The following NHERF4 variants were observed in gnomAD, a reference collection of about 807,000 sequenced individuals.
The protein encoded by NHERF4 is Na(+)/H(+) exchange regulatory cofactor NHE-RF4.
At chr11:119,187,663 G>C in the NHERF4 span, 2 of 1,538,522 alleles carry the variant, frequency 1.3e-6, no homozygotes, top group Non-Finnish European at 1.7e-6. Context: ...AATGGGGTCA[G>C]TGTGGAGAAG....
the NHERF4 span, chr11:119,189,257 G>A: frequency 1.3e-6 from 2 of 1,560,468 alleles, no homozygotes; most frequent in African/African-American, 1.4e-5. This position sits in a 1 kb window ranked among gnomAD's most constrained non-coding sequence, Gnocchi z 5.8. Context: ...GGGCAGGGAG[G>A]AGTGAGAAAG....
At chr11:119,186,701 G>T in the NHERF4 span, 2 of 1,587,250 alleles carry the variant, frequency 1.3e-6, no homozygotes, top group South Asian at 1.1e-5. The surrounding 1 kb of genome is among the most constrained non-coding windows in gnomAD (Gnocchi z 4.4). Flanking sequence ...GTAAGGCTGT[G>T]GTCCAGGAGA....
At chr11:119,187,859 T>G in the NHERF4 span, 1 of 1,470,384 alleles carries the variant, frequency 6.8e-7, no homozygotes, top group Non-Finnish European at 9.0e-7. Context: ...ACTTAGTGCC[T>G]GGGAGGAGGG....
chr11:119,189,975 G>A, the NHERF4 span: 3 of 359,332 alleles, frequency 8.3e-6, no homozygotes, highest in Admixed American at 8.5e-5. This position sits in a 1 kb window ranked among gnomAD's most constrained non-coding sequence, Gnocchi z 5.8. Context: ...TTGTGTTGGT[G>A]GGGGTAAGGG....
the NHERF4 span, chr11:119,189,455 C>T: frequency 3.7e-6 from 6 of 1,614,120 alleles, no homozygotes; most frequent in Admixed American, 1.0e-4. The surrounding 1 kb of genome is among the most constrained non-coding windows in gnomAD (Gnocchi z 5.8). Context: ...CCTCCTCTCT[C>T]TGTATAGGAC....
chr11:119,188,947 C>G, the NHERF4 span: 8 of 1,612,626 alleles, frequency 5.0e-6, no homozygotes, highest in East Asian at 1.8e-4. Context: ...CTCCCAGAGC[C>G]TAAAGCCAGC....
chr11:119,186,261 C>T, the NHERF4 span: 1 of 1,613,230 alleles, frequency 6.2e-7, no homozygotes. This position sits in a 1 kb window ranked among gnomAD's most constrained non-coding sequence, Gnocchi z 4.4. Flanking sequence ...CACTCGGTCT[C>T]CCTCTGATAA....
the NHERF4 span, chr11:119,185,505 C>A: frequency 3.1e-6 from 5 of 1,613,968 alleles, no homozygotes; most frequent in Non-Finnish European, 4.2e-6. Context: ...ATGGAGAAAG[C>A]CGCAGGTAGG....
chr11:119,190,061 C>T, the NHERF4 span: 1 of 502,888 alleles, frequency 2.0e-6, no homozygotes, highest in Non-Finnish European at 3.5e-6. This position sits in a 1 kb window ranked among gnomAD's most constrained non-coding sequence, Gnocchi z 4.2. Flanking sequence ...GAGGTTGAGA[C>T]CTGGTCAAAT....
chr11:119,186,831 G>C, the NHERF4 span: 2 of 888,216 alleles, frequency 2.3e-6, no homozygotes, highest in Non-Finnish European at 3.3e-6. The surrounding 1 kb of genome is among the most constrained non-coding windows in gnomAD (Gnocchi z 4.4). Context: ...CAGAGGGGTA[G>C]GGAAAGCATC....
chr11:119,187,803 C>T, the NHERF4 span: 3 of 1,457,766 alleles, frequency 2.1e-6, no homozygotes, highest in Admixed American at 5.6e-5. Flanking sequence ...ATCTGGTCTC[C>T]TACCTTTATC....
the NHERF4 span, chr11:119,188,482 G>A: frequency 6.2e-7 from 1 of 1,610,842 alleles, no homozygotes. Flanking sequence ...CAGTGTCCAG[G>A]ATCCAGGGGC....
At chr11:119,188,012 G>A in the NHERF4 span, 1 of 1,565,458 alleles carries the variant, frequency 6.4e-7, no homozygotes, top group Non-Finnish European at 8.7e-7. Context: ...TCGCCAGCTG[G>A]GATTGCCCCT....
At chr11:119,190,049 G>A in the NHERF4 span, 1 of 474,944 alleles carries the variant, frequency 2.1e-6, no homozygotes, top group African/African-American at 1.9e-5. This position sits in a 1 kb window ranked among gnomAD's most constrained non-coding sequence, Gnocchi z 4.2. Context: ...TCCTGCAGGA[G>A]AGAGGTTGAG....
chr11:119,188,037 C>T, the NHERF4 span: 1 of 1,556,282 alleles, frequency 6.4e-7, no homozygotes, highest in Non-Finnish European at 8.7e-7. Flanking sequence ...GCACCCCTGG[C>T]AGAGGGCTGG....
the NHERF4 span, chr11:119,185,692 T>C: frequency 1.3e-6 from 1 of 768,200 alleles, no homozygotes; most frequent in African/African-American, 1.7e-5. Context: ...CACCCTGTAC[T>C]GATATGCTCA....
At chr11:119,185,670 C>A in the NHERF4 span, 1 of 780,410 alleles carries the variant, frequency 1.3e-6, no homozygotes, top group South Asian at 1.6e-5. Flanking sequence ...ATATGTCTGT[C>A]TTCCTGGTCC....
chr11:119,187,951 T>C, the NHERF4 span: 1 of 1,566,410 alleles, frequency 6.4e-7, no homozygotes, highest in Non-Finnish European at 8.7e-7. Flanking sequence ...TTTGGCAGAG[T>C]GGACAGCAGG....
At chr11:119,187,154 A>AG in the NHERF4 span, 2 of 869,198 alleles carry the variant, frequency 2.3e-6, no homozygotes, top group East Asian at 2.8e-5. Flanking sequence ...AAAAAAAAAA[A>AG]AAAAGAAAAA....
Sources: allele counts gnomAD v4.1 joint callset, GRCh38; gene constraint gnomAD v4.1.1; non-coding constraint Gnocchi (gnomAD v3.1); transcripts MANE v1.5; gene names NCBI Gene and HGNC (gene_info 2026-07-23, HGNC 2026-07-21).